The following SHQ1 variants were observed in gnomAD, a reference collection of about 807,000 sequenced individuals.
SHQ1 encodes the protein protein SHQ1 homolog.
A neutral mutation model predicts 53.8 loss-of-function variants in SHQ1; 49 were observed. The ratio of observed to expected loss-of-function variants is 0.91; its 90% CI spans 0.72 to 1.16. The LOEUF (loss-of-function observed/expected upper bound fraction) is 1.16. Among genes scored for constraint, SHQ1 ranks in the 50% most tolerant of loss-of-function variants. The pLI is 0.00. For synonymous variants in SHQ1, 243 were observed against 251.0 expected (o/e 0.97, Z 0.30); for missense variants, 738 against 683.1 (o/e 1.08, Z -0.90).
the SHQ1 span, among the ~76,000 whole-genome samples, chr3:72,727,277 AC>A: frequency 6.6e-6 from 1 of 152,138 alleles, no homozygotes; most frequent in Non-Finnish European, 1.5e-5. Flanking sequence ...TAAACCATAC[AC>A]AAACATGGCT....
At chr3:72,770,899 T>A (rs1055196977) in intron 10 of SHQ1, among the ~76,000 whole-genome samples, 28 of 152,204 alleles carry the variant, frequency 1.8e-4, no homozygotes, top group Admixed American at 1.2e-3. Flanking sequence ...ACTGATGCCA[T>A]CCCTTGGACT....
intron 8 of SHQ1, among the ~76,000 whole-genome samples, chr3:72,813,987 T>C (rs529888222): frequency 1.3e-4 from 19 of 151,732 alleles, no homozygotes; most frequent in Middle Eastern, 3.4e-3. Flanking sequence ...CTAAAAACAC[T>C]AAACAAAAGA....
chr3:72,816,786 G>A (rs909538747), intron 7 of SHQ1, among the ~76,000 whole-genome samples: 1 of 152,148 alleles, frequency 6.6e-6, no homozygotes, highest in Non-Finnish European at 1.5e-5. Context: ...GACACTTGCA[G>A]GTAAATACTA....
chr3:72,795,749 C>T (rs1706591731), intron 9 of SHQ1, among the ~76,000 whole-genome samples: 1 of 152,174 alleles, frequency 6.6e-6, no homozygotes, highest in Non-Finnish European at 1.5e-5. Context: ...TGCTGTGTGA[C>T]ACCTCCAGAA....
the SHQ1 span, among the ~76,000 whole-genome samples, chr3:72,740,597 A>G: frequency 6.6e-6 from 1 of 152,192 alleles, no homozygotes; most frequent in African/African-American, 2.4e-5. Context: ...TTGATCAGCA[A>G]TAGGGAACTG....
At chr3:72,804,959 C>A (rs1253374258) in intron 9 of SHQ1, among the ~76,000 whole-genome samples, 1 of 152,194 alleles carries the variant, frequency 6.6e-6, no homozygotes, top group Non-Finnish European at 1.5e-5. Context: ...GTAATTCTGT[C>A]ATGTGAACGT....
chr3:72,734,888 C>A, the SHQ1 span, among the ~76,000 whole-genome samples: 9 of 151,534 alleles, frequency 5.9e-5, no homozygotes, highest in Admixed American at 4.6e-4. Context: ...TGTACCTGAT[C>A]CCCTCATCCT....
intron 8 of SHQ1, among the ~76,000 whole-genome samples, chr3:72,813,465 CAAAAA>C (rs938471344): frequency 1.8e-4 from 11 of 61,452 alleles, no homozygotes; most frequent in African/African-American, 6.9e-4. Flanking sequence ...GACTCCATCT[CAAAAA>C]AAAAAAAAAA....
chr3:72,848,437 G>C lies in SHQ1; in HGVS notation c.-97C>G, dbSNP rs907684699. On this transcript the variant is annotated 5_prime_UTR_variant, in exon 1 of 11. Transcript: ENST00000325599. ...AACTCCCCACGCGCAGGAACTCTCG[G>C]TGTGAGGGACGGAGCTTCCGGCTCG... 7.8e-6 allele frequency: 12 copies of C among 1,536,730 alleles called. No homozygotes were observed. The African/African-American group carries it at 9.7e-5, about 12-fold the overall frequency.
At chr3:72,817,195 C>A in intron 7 of SHQ1, 35 bp downstream of exon 7, 2 of 1,593,982 alleles carry the variant, frequency 1.3e-6, no homozygotes, top group South Asian at 2.3e-5. Context: ...TCAGCACAGT[C>A]ATCTATGGCA....
intron 10 of SHQ1, among the ~76,000 whole-genome samples, chr3:72,790,146 C>T (rs959115986): frequency 6.6e-6 from 1 of 152,152 alleles, no homozygotes; most frequent in East Asian, 1.9e-4. Flanking sequence ...AAATCTGTAA[C>T]TCAGAATGAG....
chr3:72,840,332 G>A (rs1269724172), intron 4 of SHQ1, among the ~76,000 whole-genome samples: 2 of 150,936 alleles, frequency 1.3e-5, no homozygotes, highest in African/African-American at 2.4e-5. Context: ...GGGAGGCCAA[G>A]GCAGGCAAAT....
chr3:72,732,388 G>GCCTTCCTTCCTTCCTTCCTTCCTTCCTT, the SHQ1 span, among the ~76,000 whole-genome samples: 73 of 58,132 alleles, frequency 1.3e-3, no homozygotes, highest in East Asian at 2.2e-3. Context: ...CTGCCTGCCT[G>GCCTTCCTTCCTTCCTTCCTTCCTTCCTT]CCTTCCTTCC....
chr3:72,842,198 T>C (rs1708195052), intron 3 of SHQ1, 82 bp downstream of exon 3: 1 of 1,493,760 alleles, frequency 6.7e-7, no homozygotes, highest in South Asian at 1.2e-5. Flanking sequence ...TCCTATTCAC[T>C]ATATCCCATT....
intron 5 of SHQ1, among the ~76,000 whole-genome samples, chr3:72,830,415 TG>T (rs1378817997): frequency 2.0e-5 from 3 of 152,112 alleles, no homozygotes; most frequent in Admixed American, 6.5e-5. Context: ...ATGTATTACA[TG>T]TGTATATCAC....
At chr3:72,807,226 G>A (rs1706980324) in intron 9 of SHQ1, among the ~76,000 whole-genome samples, 1 of 152,028 alleles carries the variant, frequency 6.6e-6, no homozygotes, top group Admixed American at 6.6e-5. Context: ...AGTTTCCCTG[G>A]CTTATATTTT....
Position 72,750,215 on chromosome 3 carries a change from A to C in SHQ1, c.*69T>G. The C allele has an allele frequency of 7.7e-7, 1 of 1,292,024 alleles. No homozygotes were observed. The highest frequency in any genetic ancestry group is 1.1e-6 in the Non-Finnish European group (1 of 928,618). The allele number at this position is 1,292,024 out of a possible 1,614,324, so 80.0% of individuals were successfully genotyped here. A position where few individuals can be genotyped will look rare whatever the true frequency, so the allele number is the denominator to read the frequency against. On this transcript the variant is annotated 3_prime_UTR_variant, in exon 11 of 11. Transcript: ENST00000325599. Reference sequence around the variant, plus strand: ...AAGAAAAATTACAAAGTGAAAATGAAGAATTCTCATTCGGTAAATGAAACC... The same window carrying C: ...AAGAAAAATTACAAAGTGAAAATGACGAATTCTCATTCGGTAAATGAAACC...
intron 6 of SHQ1, among the ~76,000 whole-genome samples, chr3:72,819,410 G>A (rs372935687): frequency 6.6e-6 from 1 of 151,914 alleles, no homozygotes; most frequent in Non-Finnish European, 1.5e-5. Flanking sequence ...TTTTGCCATT[G>A]AAACACTTAT....
At chr3:72,832,090 A>T (rs565203512) in intron 5 of SHQ1, among the ~76,000 whole-genome samples, 1 of 152,358 alleles carries the variant, frequency 6.6e-6, no homozygotes, top group East Asian at 1.9e-4. Flanking sequence ...TCATGAATTC[A>T]GTATTATATT....
Sources: gnomAD v4.1 joint callset for allele counts (sites outside exome capture counted in the v4.1 genomes callset) on GRCh38, gnomAD v4.1.1 for gene constraint, MANE v1.5 for transcripts, NCBI Gene and HGNC (gene_info 2026-07-23, HGNC 2026-07-21) for gene names.